Variants in PAICS observed in about 807,000 individuals in gnomAD.
PAICS encodes phosphoribosylaminoimidazole carboxylase and phosphoribosylaminoimidazolesuccinocarboxamide synthase.
In PAICS, 33 loss-of-function variants were observed where a neutral mutation model predicts 53.7. The observed-to-expected ratio is 0.61, with a 90% CI of 0.47 to 0.82. PAICS has a LOEUF of 0.82. Among genes scored for constraint, PAICS ranks in the 40% least tolerant of loss-of-function variants. The pLI is 0.00. For synonymous variants in PAICS, 141 were observed against 167.2 expected (o/e 0.84, Z 1.21); for missense variants, 394 against 494.1 (o/e 0.80, Z 1.92).
upstream of PAICS, among the ~76,000 whole-genome samples, chr4:56,434,988 C>T (rs1002216948): frequency 2.0e-5 from 3 of 152,228 alleles, no homozygotes; most frequent in Non-Finnish European, 4.4e-5. Context: ...CAGCCACAGG[C>T]TCCGGGAGAC....
At chr4:56,444,990 C>G (rs1718533354) in intron 2 of PAICS, among the ~76,000 whole-genome samples, 1 of 152,132 alleles carries the variant, frequency 6.6e-6, no homozygotes, top group Non-Finnish European at 1.5e-5. Context: ...CCTGTCTATC[C>G]ATGAGCCTGA....
chr4:56,441,826 C>T lies in PAICS; in HGVS notation c.180C>T (p.Ile60=), dbSNP rs773078210. ...GAAAAGCTGCAATCTCAAATAAAAT[C>T]ACCAGTTGTATTTTTCAGTTATTAC... is the stretch of plus-strand genomic sequence containing the variant. ...LEGKAAISNK[I]TSCIFQLLQE... is the part of the protein sequence containing the mutation. The change falls in exon 2 of 9, where the codon ATC becomes ATT. Residue 60 remains isoleucine, a synonymous_variant. Coordinates refer to ENST00000512576, the MANE Select transcript of PAICS (RefSeq NM_001079524.2). 1 of 1,598,148 alleles carries T rather than the reference C, an allele frequency of 6.3e-7. No homozygotes were observed. The highest frequency in any genetic ancestry group is 2.2e-5 in the East Asian group (1 of 44,504).
At chr4:56,453,807 A>G in intron 8 of PAICS, 46 bp downstream of exon 8, 1 of 1,343,442 alleles carries the variant, frequency 7.4e-7, no homozygotes. Context: ...CAAGCATTTA[A>G]CAGATGCACA....
chr4:56,421,095 G>A, the PAICS span: 1 of 152,292 alleles, frequency 6.6e-6, no homozygotes, highest in Non-Finnish European at 1.5e-5. Context: ...TATGACCTGA[G>A]CTCCGCGACT....
chr4:56,419,664 A>G, the PAICS span: 1 of 983,930 alleles, frequency 1.0e-6, no homozygotes, highest in South Asian at 4.7e-5. Flanking sequence ...TTTTATCCCA[A>G]CTGTAGCAAA....
the PAICS span, among the ~76,000 whole-genome samples, chr4:56,417,129 G>T: frequency 6.6e-6 from 1 of 152,138 alleles, no homozygotes; most frequent in African/African-American, 2.4e-5. Context: ...GATTACAGGC[G>T]TGAGCCACTG....
chr4:56,441,401 T>C (rs1046718022), intron 1 of PAICS, among the ~76,000 whole-genome samples: 5 of 150,382 alleles, frequency 3.3e-5, no homozygotes, highest in African/African-American at 1.2e-4. Context: ...ATTTCCTAAC[T>C]GCATGACCCT....
the PAICS span, among the ~76,000 whole-genome samples, chr4:56,426,255 G>A: frequency 6.6e-6 from 1 of 152,048 alleles, no homozygotes; most frequent in African/African-American, 2.4e-5. Flanking sequence ...ACAAAAATTA[G>A]CTGGGCGTGG....
At chr4:56,436,948 G>T (rs1357261692) in intron 1 of PAICS, among the ~76,000 whole-genome samples, 4 of 152,224 alleles carry the variant, frequency 2.6e-5, no homozygotes, top group Admixed American at 2.6e-4. Context: ...AGTGAGCCGA[G>T]ATCGCGCCAT....
chr4:56,428,213 G>A, the PAICS span, among the ~76,000 whole-genome samples: 1 of 152,144 alleles, frequency 6.6e-6, no homozygotes, highest in African/African-American at 2.4e-5. Context: ...ATTTATCTAT[G>A]TTTGAATAAT....
rs1333921816 is a variant in PAICS at position 56,441,852 on chromosome 4, A to C, written c.206A>C (p.Gln69Pro). 6.3e-7 allele frequency: 1 copy of C among 1,592,880 alleles called. No individual in the cohort carries two copies. Among genetic ancestry groups the C allele is most frequent in the Admixed American group, 1.8e-5 (1 of 56,754 alleles). The change falls in exon 2 of 9, where the codon CAG becomes CCG. Residue 69 changes from glutamine (Q) to proline (P), a missense_variant. By Grantham distance (76) the Gln-to-Pro change is moderately conservative (BLOSUM62 -1). Around this residue, in one of 3 missense-constraint regions of PAICS, gnomAD observed 168 missense variants for 199.3 expected, o/e 0.84. Transcript: ENST00000512576. ...KITSCIFQLL[Q>P]EAGIKTAFTR... ...ACCAGTTGTATTTTTCAGTTATTAC[A>C]GGAAGCAGGTAAGCAGCTCCCTCAA...
At chr4:56,430,494 T>C in the PAICS span, among the ~76,000 whole-genome samples, 1 of 152,114 alleles carries the variant, frequency 6.6e-6, no homozygotes, top group Non-Finnish European at 1.5e-5. Flanking sequence ...CACAGTGCCT[T>C]AGTAATATAC....
At chr4:56,413,152 T>C in the PAICS span, among the ~76,000 whole-genome samples, 1 of 141,478 alleles carries the variant, frequency 7.1e-6, no homozygotes, top group Non-Finnish European at 1.6e-5. Context: ...TTGTTTTTGG[T>C]TTTTGGTTTT....
upstream of PAICS, among the ~76,000 whole-genome samples, chr4:56,433,523 C>T (rs79114130): frequency 2.7e-5 from 4 of 148,154 alleles, no homozygotes; most frequent in South Asian, 6.4e-4. Context: ...TCTTTTTCTT[C>T]AGGCACACAT....
the PAICS span, among the ~76,000 whole-genome samples, chr4:56,426,927 A>G: frequency 6.6e-6 from 1 of 152,308 alleles, no homozygotes; most frequent in Non-Finnish European, 1.5e-5. Flanking sequence ...GCCTGTGGTG[A>G]CCACTATTCT....
chr4:56,453,447 G>C (rs564718145), intron 7 of PAICS, among the ~76,000 whole-genome samples, 156 bp from the exon 8 acceptor site: 7 of 146,050 alleles, frequency 4.8e-5, no homozygotes, highest in African/African-American at 1.8e-4. Context: ...TTGAATATAT[G>C]TGTAATAATA....
the PAICS span, among the ~76,000 whole-genome samples, chr4:56,412,452 G>C: frequency 1.3e-5 from 2 of 151,924 alleles, no homozygotes; most frequent in African/African-American, 4.8e-5. Flanking sequence ...GGGACTATGG[G>C]GTGTGAGCCA....
upstream of PAICS, chr4:56,435,898 C>T (rs1424738858): frequency 4.2e-5 from 63 of 1,486,108 alleles, no homozygotes; most frequent in Non-Finnish European, 5.3e-5. Context: ...ATGCCCTTCC[C>T]TGCATGCTTC....
intron 8 of PAICS, among the ~76,000 whole-genome samples, chr4:56,457,718 T>G (rs896978690): frequency 1.3e-5 from 2 of 149,644 alleles, no homozygotes; most frequent in African/African-American, 4.9e-5. Context: ...CAGGCTAGAA[T>G]GCAATGGCGC....
Sources: gnomAD v4.1 joint callset for allele counts (sites outside exome capture counted in the v4.1 genomes callset) on GRCh38, gnomAD v4.1.1 for gene constraint, gnomAD v4.1.1 regional missense constraint, MANE v1.5 for transcripts, NCBI Gene and HGNC (gene_info 2026-07-23, HGNC 2026-07-21) for gene names.